Variants in GSTCD observed in about 807,000 individuals in gnomAD.
GSTCD encodes glutathione S-transferase C-terminal domain-containing protein.
GSTCD carries 44 observed loss-of-function variants against 68.3 expected under a neutral mutation model. That is an observed-to-expected ratio of 0.64 (90% CI 0.51 to 0.83). The LOEUF is 0.83. GSTCD is among the 40% of genes least tolerant of loss of function. The pLI is 0.00. For synonymous variants in GSTCD, 273 were observed against 255.2 expected (o/e 1.07, Z -0.67); for missense variants, 739 against 735.9 (o/e 1.00, Z -0.05).
intron 5 of GSTCD, among the ~76,000 whole-genome samples, chr4:105,784,139 G>A (rs1303053626): frequency 6.6e-6 from 1 of 152,216 alleles, no homozygotes; most frequent in Non-Finnish European, 1.5e-5. Context: ...CTGAGACTAT[G>A]TACATATCTT....
chr4:105,723,914 A>G (rs1048167607), intron 3 of GSTCD, among the ~76,000 whole-genome samples: 6 of 151,834 alleles, frequency 4.0e-5, no homozygotes, highest in African/African-American at 7.2e-5. Context: ...CATTCACTCA[A>G]CAGGGTATTA....
At chr4:105,766,934 A>G (rs1369759663) in intron 5 of GSTCD, among the ~76,000 whole-genome samples, 1 of 57,984 alleles carries the variant, frequency 1.7e-5, no homozygotes, top group Non-Finnish European at 3.3e-5. Context: ...TTTCTATAGC[A>G]TTTTTCCAGT....
intron 8 of GSTCD, among the ~76,000 whole-genome samples, chr4:105,828,549 A>C (rs1009598364): frequency 2.0e-5 from 3 of 152,224 alleles, no homozygotes; most frequent in Non-Finnish European, 4.4e-5. Context: ...AACAAGAACA[A>C]GAATCAGAAA....
intron 5 of GSTCD, among the ~76,000 whole-genome samples, chr4:105,767,083 A>G (rs1396588028): frequency 1.3e-5 from 2 of 152,026 alleles, no homozygotes; most frequent in African/African-American, 2.4e-5. Flanking sequence ...TGGCTGTCAC[A>G]TGGTCAGTTA....
chr4:105,736,501 T>G (rs72671866), intron 5 of GSTCD, among the ~76,000 whole-genome samples: 6,798 of 152,284 alleles, frequency 0.045, 211 homozygotes, highest in Middle Eastern at 0.13. Context: ...TGCATATTTT[T>G]GGGGAACAGT....
intron 5 of GSTCD, among the ~76,000 whole-genome samples, chr4:105,787,354 G>T (rs1380865672): frequency 6.6e-6 from 1 of 152,050 alleles, no homozygotes; most frequent in Non-Finnish European, 1.5e-5. Context: ...CATGCTTTGG[G>T]TACTTAGATT....
intron 5 of GSTCD, among the ~76,000 whole-genome samples, chr4:105,782,722 A>G (rs1735326232): frequency 6.6e-6 from 1 of 152,062 alleles, no homozygotes; most frequent in African/African-American, 2.4e-5. Flanking sequence ...AGCTGGGATT[A>G]CAGGCATGCA....
At chr4:105,727,454 G>T (rs1733078691) in intron 4 of GSTCD, among the ~76,000 whole-genome samples, 1 of 151,528 alleles carries the variant, frequency 6.6e-6, no homozygotes, top group Non-Finnish European at 1.5e-5. Context: ...AACTTCGGAG[G>T]GCGGAGGTTT....
At chr4:105,793,625 A>T (rs1010719568) in intron 5 of GSTCD, among the ~76,000 whole-genome samples, 1 of 151,972 alleles carries the variant, frequency 6.6e-6, no homozygotes, top group African/African-American at 2.4e-5. Context: ...TTTTACATGC[A>T]TTATTAAGGG....
intron 4 of GSTCD, among the ~76,000 whole-genome samples, chr4:105,728,498 G>A (rs1733114378): frequency 6.6e-6 from 1 of 152,030 alleles, no homozygotes; most frequent in African/African-American, 2.4e-5. Context: ...CATATCTCTA[G>A]CCCTAATGAA....
intron 8 of GSTCD, among the ~76,000 whole-genome samples, chr4:105,832,688 A>T (rs6533218): frequency 6.6e-6 from 1 of 152,006 alleles, no homozygotes; most frequent in African/African-American, 2.4e-5. Flanking sequence ...GGAGATAATA[A>T]AGTCTTTCAG....
chr4:105,821,728 A>G (rs930318417), intron 5 of GSTCD, among the ~76,000 whole-genome samples: 4 of 151,950 alleles, frequency 2.6e-5, no homozygotes, highest in Non-Finnish European at 4.4e-5. Context: ...AAAGATATTT[A>G]CAATATTTCA....
intron 5 of GSTCD, among the ~76,000 whole-genome samples, chr4:105,821,768 T>C (rs1257876364): frequency 2.6e-5 from 4 of 151,966 alleles, no homozygotes; most frequent in Non-Finnish European, 5.9e-5. Flanking sequence ...TTATATTTTA[T>C]ACCTAGCTAG....
rs113809549 is a variant in GSTCD at position 105,817,003 on chromosome 4, A to G, written c.1241-5951A>G. Among the ~76,000 whole-genome samples the G allele has an allele frequency of 5.6e-3, 855 of 152,106 alleles. 11 individuals carry two copies. Among genetic ancestry groups the G allele is most frequent in the African/African-American group, 0.02 (820 of 41,550 alleles). On this transcript the variant is annotated intron_variant, in intron 5 of 11. Coordinates refer to ENST00000515279, the MANE Select transcript of GSTCD (RefSeq NM_001370181.1). ...TTAATATATTGTAAAGCATCATATA[A>G]GCAGAAAGTATCCATCATTTTAGGA...
chr4:105,774,260 A>G (rs997505605), intron 5 of GSTCD, among the ~76,000 whole-genome samples: 1 of 152,148 alleles, frequency 6.6e-6, no homozygotes, highest in Non-Finnish European at 1.5e-5. Context: ...TGCACATGAG[A>G]TGGCTCTCTT....
chr4:105,717,386 T>G (rs1248341610), intron 1 of GSTCD, among the ~76,000 whole-genome samples: 3 of 152,168 alleles, frequency 2.0e-5, no homozygotes, highest in Non-Finnish European at 2.9e-5. Flanking sequence ...GGGTGTAATA[T>G]TTCCTCTAAT....
At chr4:105,718,855 G>A (rs1732767176) in intron 2 of GSTCD, among the ~76,000 whole-genome samples, 1 of 152,110 alleles carries the variant, frequency 6.6e-6, no homozygotes, top group Admixed American at 6.6e-5. Context: ...GATTTATTTA[G>A]TAAGGGGAAT....
chr4:105,801,188 T>C (rs1349520992), intron 5 of GSTCD, among the ~76,000 whole-genome samples: 2 of 152,172 alleles, frequency 1.3e-5, no homozygotes, highest in Non-Finnish European at 2.9e-5. Flanking sequence ...CTAGGACTGC[T>C]TCTCGACCTT....
chr4:105,752,302 A>G (rs1578437164), intron 5 of GSTCD, among the ~76,000 whole-genome samples: 1 of 152,102 alleles, frequency 6.6e-6, no homozygotes, highest in East Asian at 1.9e-4. Flanking sequence ...AATTCTTCTC[A>G]TTATTATGTT....
Sources: allele counts gnomAD v4.1 joint callset (sites outside exome capture counted in the v4.1 genomes callset), GRCh38; gene constraint gnomAD v4.1.1; transcripts MANE v1.5; gene names NCBI Gene and HGNC (gene_info 2026-07-23, HGNC 2026-07-21).